ZMYM2: variants seen among roughly 807,000 people sequenced by gnomAD.
The protein encoded by ZMYM2 is zinc finger MYM-type protein 2.
ZMYM2 carries 56 observed loss-of-function variants against 162.8 expected under a neutral mutation model. The observed-to-expected ratio is 0.34, with a 90% confidence interval of 0.28 to 0.43. The LOEUF is 0.43. Ranked by LOEUF, ZMYM2 falls within the 20% of genes least tolerant of loss-of-function variation. ZMYM2 has a pLI of 1.00. For synonymous variants in ZMYM2, 510 were observed against 541.6 expected, an observed-to-expected ratio of 0.94 and a Z score of 0.81; for missense variants, 1,275 against 1,621.8, an observed-to-expected ratio of 0.79 and a Z score of 3.67.
In ZMYM2 at chr13:20,027,332, T is replaced by G; in HGVS notation, c.1851+14T>G. 6.5e-7 allele frequency: 1 copy of G among 1,536,962 alleles called. No homozygotes were observed. The highest frequency in any genetic ancestry group is 8.8e-7 in the Non-Finnish European group (1 of 1,132,592). ...GCTAAATTTCAGGTTTGTCGTTTAT[T>G]TTGCATAACCCATGCCCCCAATAAA... On this transcript the variant is annotated intron_variant, in intron 9 of 24. Coordinates refer to ENST00000610343, the MANE Select transcript of ZMYM2 (RefSeq NM_197968.4).
chr13:20,029,401 G>C (rs914796561), intron 9 of ZMYM2, among the ~76,000 whole-genome samples: 1 of 152,184 alleles, frequency 6.6e-6, no homozygotes, highest in East Asian at 1.9e-4. Context: ...ATGAATTTGT[G>C]GGGGAACACC....
chr13:19,882,576 GTC>G, the ZMYM2 span, among the ~76,000 whole-genome samples: 1 of 152,032 alleles, frequency 6.6e-6, no homozygotes, highest in Non-Finnish European at 1.5e-5. Context: ...GTGAGACCCA[GTC>G]TCTACCAAAA....
At chr13:19,877,039 C>T in the ZMYM2 span, among the ~76,000 whole-genome samples, 1 of 151,920 alleles carries the variant, frequency 6.6e-6, no homozygotes. Flanking sequence ...GGTGAAACCC[C>T]GTCTCTACTA....
At chr13:20,010,856 G>A (rs778681711) in intron 6 of ZMYM2, among the ~76,000 whole-genome samples, 1 of 152,104 alleles carries the variant, frequency 6.6e-6, no homozygotes. Flanking sequence ...GGTGAGGCTG[G>A]TCTCAAACTC....
chr13:19,964,375 C>CA (rs1477825092), intron 2 of ZMYM2, among the ~76,000 whole-genome samples: 11 of 139,928 alleles, frequency 7.9e-5, no homozygotes. Flanking sequence ...GAGACCGTCT[C>CA]AAAAATAAAA....
intron 3 of ZMYM2, 70 bp downstream of exon 3, chr13:19,993,989 A>C: frequency 6.6e-7 from 1 of 1,505,080 alleles, no homozygotes; most frequent in South Asian, 1.3e-5. Flanking sequence ...TTTTCATTGT[A>C]GTAACTGGTA....
intron 2 of ZMYM2, among the ~76,000 whole-genome samples, chr13:19,966,759 A>C (rs1355691899): frequency 6.6e-6 from 1 of 152,148 alleles, no homozygotes; most frequent in Non-Finnish European, 1.5e-5. Context: ...TTTTTACCTA[A>C]AGAAAAATTT....
At chr13:19,922,271 C>G in the ZMYM2 span, among the ~76,000 whole-genome samples, 5 of 152,036 alleles carry the variant, frequency 3.3e-5, no homozygotes, top group Non-Finnish European at 5.9e-5. Context: ...TACAAAGTTG[C>G]TTGTCAGGAA....
intron 3 of ZMYM2, among the ~76,000 whole-genome samples, chr13:20,001,134 G>A (rs2312964): frequency 0.96 from 146,842 of 152,288 alleles, 71,038 homozygotes; most frequent in East Asian, 1. Context: ...GCTCATGCCT[G>A]TAATCCCAGC....
chr13:19,908,353 C>G, the ZMYM2 span, among the ~76,000 whole-genome samples: 18 of 151,624 alleles, frequency 1.2e-4, no homozygotes, highest in South Asian at 1.0e-3. Flanking sequence ...AGTGGAGTCC[C>G]TCTTACTAGG....
the ZMYM2 span, among the ~76,000 whole-genome samples, chr13:19,877,010 G>A: frequency 6.6e-6 from 1 of 152,040 alleles, no homozygotes; most frequent in Non-Finnish European, 1.5e-5. Context: ...GGATCACGAG[G>A]TCAGGAGATC....
At chr13:20,025,232 GTGGGTAT>G (rs1952471453) in intron 7 of ZMYM2, 1 of 199,086 alleles carries the variant, frequency 5.0e-6, no homozygotes, top group Non-Finnish European at 1.0e-5. Flanking sequence ...ATAGATGCTC[GTGGGTAT>G]GAAGACGGAT....
At chr13:20,006,276 C>T in intron 5 of ZMYM2, 98 bp from the exon 6 acceptor site, 2 of 1,251,864 alleles carry the variant, frequency 1.6e-6, no homozygotes, top group African/African-American at 1.5e-5. Flanking sequence ...TCCAAACAAG[C>T]CTTATTAGGA....
At chr13:19,986,989 C>G (rs1222190532) in intron 2 of ZMYM2, among the ~76,000 whole-genome samples, 1 of 151,440 alleles carries the variant, frequency 6.6e-6, no homozygotes, top group Non-Finnish European at 1.5e-5. Context: ...CCTGTAATCC[C>G]AGCTACTCAG....
the ZMYM2 span, among the ~76,000 whole-genome samples, chr13:19,890,625 C>G: frequency 6.6e-6 from 1 of 150,510 alleles, no homozygotes; most frequent in African/African-American, 2.5e-5. Context: ...GAATTAGACA[C>G]TTTGGGAGGC....
chr13:20,006,252 TTTTTTTCC>T, intron 5 of ZMYM2, 114 bp from the exon 6 acceptor site: 3 of 498,196 alleles, frequency 6.0e-6, no homozygotes, highest in Non-Finnish European at 8.1e-6. Flanking sequence ...AAAAAAATTT[TTTTTTTCC>T]TTTTCTCCAA....
At chr13:19,936,912 A>G in the ZMYM2 span, among the ~76,000 whole-genome samples, 20 of 152,218 alleles carry the variant, frequency 1.3e-4, no homozygotes, top group Non-Finnish European at 2.6e-4. Context: ...TCTGGATTTT[A>G]GTTTTCACAC....
intron 12 of ZMYM2, 101 bp from the exon 13 acceptor site, chr13:20,051,332 A>T: frequency 9.2e-7 from 1 of 1,083,348 alleles, no homozygotes; most frequent in Non-Finnish European, 1.3e-6. Flanking sequence ...CTTTTTCTGT[A>T]TCAGTCACGG....
Position 20,081,667 on chromosome 13 carries a change from A to T in ZMYM2, c.3454-349A>T, listed in dbSNP as rs561877545. 1.0e-3 allele frequency among the ~76,000 whole-genome samples: 153 copies of T among 152,286 alleles called. 3 individuals carry two copies. The highest frequency in any genetic ancestry group is 9.9e-3 in the Admixed American group (152 of 15,298). ...AAGAAAAAAAACTAAAAAGAAAAAA[A>T]CACTTTTATTTTAAAATTTACATTT... is the stretch of plus-strand genomic sequence containing the variant. On this transcript the variant is annotated intron_variant, in intron 21 of 24. Transcript: ENST00000610343.
Sources: gnomAD v4.1 joint callset for allele counts (sites outside exome capture counted in the v4.1 genomes callset) on GRCh38, gnomAD v4.1.1 for gene constraint, MANE v1.5 for transcripts, NCBI Gene and HGNC (gene_info 2026-07-23, HGNC 2026-07-21) for gene names.